PXDNL: variants seen among roughly 807,000 people sequenced by gnomAD.
PXDNL encodes the protein probable oxidoreductase PXDNL.
In PXDNL, 145 loss-of-function variants were observed where a neutral mutation model predicts 150.8. The observed-to-expected ratio is 0.96, with a 90% CI of 0.84 to 1.10. PXDNL has a LOEUF of 1.10. Among genes scored for constraint, PXDNL ranks in the 50% least tolerant of loss-of-function variants. The probability of loss-of-function intolerance (pLI) is 0.00; values close to 1 mark genes in which losing one functional copy is unlikely to be tolerated. For missense variants in PXDNL, 2,087 were observed against 1,873.9 expected (o/e 1.11, Z -2.10); for synonymous variants, 757 against 725.7 (o/e 1.04, Z -0.69).
At chr8:51,432,925 C>A (rs541367439) in intron 12 of PXDNL, among the ~76,000 whole-genome samples, 2 of 146,876 alleles carry the variant, frequency 1.4e-5, no homozygotes, top group African/African-American at 5.2e-5. Context: ...AGGAATATTT[C>A]GGCCAGGCGC....
rs1813099888 is a variant in PXDNL, at chr8:51,577,951, G to GAA, written c.308+14674_308+14675dup. Among the ~76,000 whole-genome samples, 3 of 80,406 alleles carry GAA rather than the reference G, an allele frequency of 3.7e-5. No individual in the cohort carries two copies. In the East Asian group the frequency reaches 8.8e-4, roughly 23 times the overall value. The allele number at this position is 80,406 out of a possible 152,430, so 52.7% of individuals were successfully genotyped here. ...AGAAAGAAAGAAAGAAAGAAAGAAA[G>GAA]AAAGAAAGAAAGAAAGAAAGAAAGA... On this transcript the variant is annotated intron_variant, in intron 3 of 22. Coordinates refer to ENST00000356297, the MANE Select transcript of PXDNL (RefSeq NM_144651.5).
At chr8:51,757,361 G>C (rs2037113212) in intron 1 of PXDNL, among the ~76,000 whole-genome samples, 1 of 152,190 alleles carries the variant, frequency 6.6e-6, no homozygotes, top group African/African-American at 2.4e-5. Context: ...CTGTAAGACA[G>C]CAGGCTCCGC....
At chr8:51,744,512 A>AC (rs1491220533) in intron 1 of PXDNL, among the ~76,000 whole-genome samples, 3 of 96,400 alleles carry the variant, frequency 3.1e-5, no homozygotes, top group African/African-American at 1.9e-4. Flanking sequence ...CTAAAAATAC[A>AC]AAAAAAAAAA....
intron 19 of PXDNL, among the ~76,000 whole-genome samples, chr8:51,356,725 T>A (rs908792498): frequency 1.3e-5 from 2 of 152,212 alleles, no homozygotes; most frequent in African/African-American, 4.8e-5. Context: ...TTTTGATAAC[T>A]ACAAATTTAG....
chr8:51,735,798 G>A (rs893427139), intron 1 of PXDNL, among the ~76,000 whole-genome samples: 10 of 151,490 alleles, frequency 6.6e-5, no homozygotes, highest in East Asian at 2.0e-4. Flanking sequence ...CGCCCGCCTC[G>A]GCCTCCCAAA....
At chr8:51,462,189 C>T (rs1563422635) in intron 8 of PXDNL, among the ~76,000 whole-genome samples, 1 of 151,360 alleles carries the variant, frequency 6.6e-6, no homozygotes, top group African/African-American at 2.5e-5. Context: ...AAAGGAACAC[C>T]AGCCCTCTCA....
chr8:51,608,458 G>T (rs1813919757), intron 2 of PXDNL, among the ~76,000 whole-genome samples: 3 of 148,334 alleles, frequency 2.0e-5, no homozygotes, highest in Admixed American at 1.3e-4. Context: ...ATGTCATCAG[G>T]CTCATCTCAG....
At chr8:51,661,518 C>T (rs1379671845) in intron 1 of PXDNL, among the ~76,000 whole-genome samples, 1 of 152,170 alleles carries the variant, frequency 6.6e-6, no homozygotes, top group Non-Finnish European at 1.5e-5. Context: ...GAGGAAAGCC[C>T]CAGGTCCGCT....
intron 17 of PXDNL, among the ~76,000 whole-genome samples, chr8:51,380,917 A>C (rs1242875704): frequency 6.6e-6 from 1 of 152,146 alleles, no homozygotes; most frequent in Non-Finnish European, 1.5e-5. Flanking sequence ...TAATCGGCTT[A>C]TGTCCTAAAT....
At chr8:51,603,993 A>G (rs1269655935) in intron 2 of PXDNL, among the ~76,000 whole-genome samples, 1 of 152,160 alleles carries the variant, frequency 6.6e-6, no homozygotes, top group Non-Finnish European at 1.5e-5. Flanking sequence ...AAAACCAAAG[A>G]AGTAGTACAT....
intron 10 of PXDNL, among the ~76,000 whole-genome samples, chr8:51,452,700 C>T (rs1322342896): frequency 6.6e-6 from 1 of 152,086 alleles, no homozygotes; most frequent in Non-Finnish European, 1.5e-5. Context: ...ACATCCTATG[C>T]AAATCTTAAA....
At chr8:51,495,699 C>T (rs926647628) in intron 5 of PXDNL, among the ~76,000 whole-genome samples, 6 of 151,960 alleles carry the variant, frequency 3.9e-5, no homozygotes, top group Non-Finnish European at 5.9e-5. Context: ...ATAAATTCCT[C>T]GACACATACA....
At chr8:51,519,364 A>C (rs1811609276) in intron 4 of PXDNL, among the ~76,000 whole-genome samples, 1 of 151,966 alleles carries the variant, frequency 6.6e-6, no homozygotes, top group South Asian at 2.1e-4. Flanking sequence ...AACATGATGA[A>C]ACCCCATCTC....
chr8:51,440,767 G>A (rs1463799475), intron 12 of PXDNL, among the ~76,000 whole-genome samples: 4 of 152,206 alleles, frequency 2.6e-5, no homozygotes, highest in South Asian at 2.1e-4. Context: ...AAACACAGCA[G>A]GGTATTAAGG....
rs537574230 is a variant in PXDNL, at chr8:51,639,336, A to C, written c.236+15353T>G. 3.9e-5 allele frequency among the ~76,000 whole-genome samples: 6 copies of C among 152,332 alleles called. No individual in the cohort carries two copies. The South Asian group carries it at 1.2e-3, about 32-fold the overall frequency. On this transcript the variant is annotated intron_variant, in intron 2 of 22. Coordinates refer to ENST00000356297, the MANE Select transcript of PXDNL (RefSeq NM_144651.5). ...CACATTCAAAAGCTAGCAGAAGGCA[A>C]GAAATAACTAAGATCAGAGCAGAAC...
intron 2 of PXDNL, among the ~76,000 whole-genome samples, chr8:51,613,489 G>GA (rs1224128992): frequency 1.2e-5 from 1 of 86,216 alleles, no homozygotes. Context: ...GGGGGCGGGG[G>GA]GGGGGCAGGG....
chr8:51,546,407 G>A (rs1213715335), intron 4 of PXDNL, among the ~76,000 whole-genome samples: 2 of 152,190 alleles, frequency 1.3e-5, no homozygotes, highest in East Asian at 1.9e-4. Flanking sequence ...AGGGAGCTGA[G>A]TGAAATATAA....
At chr8:51,346,806 T>C (rs751975884) in intron 19 of PXDNL, among the ~76,000 whole-genome samples, 1 of 152,184 alleles carries the variant, frequency 6.6e-6, no homozygotes, top group Non-Finnish European at 1.5e-5. Flanking sequence ...CCCTAGAAGC[T>C]GAGCAGATAA....
In PXDNL at chr8:51,403,020, G is replaced by A. The variant is rs577244904; in HGVS notation, c.3557+5047C>T. 6.6e-5 allele frequency among the ~76,000 whole-genome samples: 10 copies of A among 150,834 alleles called. No individual in the cohort carries two copies. In the East Asian group the frequency reaches 9.8e-4, roughly 15 times the overall value. ...CAGGAGAATGGCGTGAACCCGGGAG[G>A]TGGAGCTTGCAGTAAGCTGAGATCG... is the stretch of plus-strand genomic sequence containing the variant. On this transcript the variant is annotated intron_variant, in intron 17 of 22. Coordinates refer to ENST00000356297, the MANE Select transcript of PXDNL (RefSeq NM_144651.5).
Sources: gnomAD v4.1 joint callset for allele counts (sites outside exome capture counted in the v4.1 genomes callset) on GRCh38, gnomAD v4.1.1 for gene constraint, MANE v1.5 for transcripts, NCBI Gene and HGNC (gene_info 2026-07-23, HGNC 2026-07-21) for gene names.